PRKG2: variants seen among roughly 807,000 people sequenced by gnomAD.
PRKG2 encodes protein kinase cGMP-dependent 2.
A neutral mutation model predicts 97.2 loss-of-function variants in PRKG2; 33 were observed. The ratio of observed to expected loss-of-function variants is 0.34; its 90% CI spans 0.26 to 0.45. The LOEUF is 0.45. PRKG2 is among the 20% of genes least tolerant of loss of function. PRKG2 has a pLI of 1.00. For synonymous variants in PRKG2, 330 were observed against 321.8 expected, an observed-to-expected ratio of 1.03 and a Z score of -0.27; for missense variants, 638 against 900.0, an observed-to-expected ratio of 0.71 and a Z score of 3.73.
chr4:81,105,776 T>C, intron 16 of PRKG2, 37 bp downstream of exon 16: 1 of 1,606,682 alleles, frequency 6.2e-7, no homozygotes, highest in Non-Finnish European at 8.5e-7. Flanking sequence ...CCTTTAGACT[T>C]TCTTCAAGAC....
At position 81,187,623 on chromosome 4, in the gene PRKG2, G is replaced by T. The variant is rs182271361; in HGVS notation, c.462-12664C>A. Among the ~76,000 whole-genome samples the T allele has an allele frequency of 9.5e-4, 144 of 152,036 alleles. 3 individuals are homozygous for T. The East Asian group carries it at 0.017, about 18-fold the overall frequency. On this transcript the variant is annotated intron_variant, in intron 2 of 18. Coordinates refer to ENST00000264399, the MANE Select transcript of PRKG2 (RefSeq NM_006259.3). Reference sequence around the variant, plus strand: ...TTGGAAGTTCTGGCCAGGGCAATCAGGCAAGAGAAAAAAAATAAAGGGTAT... The same window carrying T: ...TTGGAAGTTCTGGCCAGGGCAATCATGCAAGAGAAAAAAAATAAAGGGTAT...
At chr4:81,119,464 T>C (rs1744864413) in intron 14 of PRKG2, among the ~76,000 whole-genome samples, 1 of 152,204 alleles carries the variant, frequency 6.6e-6, no homozygotes, top group South Asian at 2.1e-4. Flanking sequence ...GTTCCATTGA[T>C]CTATTTGTCT....
At chr4:81,117,484 G>A (rs932774746) in intron 14 of PRKG2, among the ~76,000 whole-genome samples, 14 of 152,174 alleles carry the variant, frequency 9.2e-5, no homozygotes, top group Admixed American at 8.5e-4. Flanking sequence ...TATGTACAGT[G>A]TTTGCCCTAA....
At chr4:81,105,235 T>C (rs113903512) in intron 16 of PRKG2, among the ~76,000 whole-genome samples, 112 of 152,272 alleles carry the variant, frequency 7.4e-4, no homozygotes, top group African/African-American at 2.3e-3. Context: ...TCTTTGAACA[T>C]TGAATTTATT....
chr4:81,144,924 A>G (rs1747710113), intron 9 of PRKG2, among the ~76,000 whole-genome samples: 2 of 151,922 alleles, frequency 1.3e-5, no homozygotes. Context: ...ATGTCCCTAC[A>G]AAGGACATGA....
Position 81,137,483 on chromosome 4 carries a change from CTG to C in PRKG2, c.1545-3_1545-2del. 6.2e-7 allele frequency: 1 copy of C among 1,601,438 alleles called. No individual in the cohort carries two copies. Among genetic ancestry groups the C allele is most frequent in the Non-Finnish European group, 8.5e-7 (1 of 1,170,568 alleles). ...ATTGTCCTTGAAAGTACGATATAAT[CTG>C]TGAAGACAGATAAAAACATGGTTAT... is the stretch of plus-strand genomic sequence containing the variant. On this transcript the variant is annotated splice_acceptor_variant and splice_polypyrimidine_tract_variant and intron_variant, in intron 12 of 18. Coordinates refer to ENST00000264399, the MANE Select transcript of PRKG2 (RefSeq NM_006259.3). LOFTEE classifies it high-confidence loss of function.
At chr4:81,167,737 T>C (rs984045697) in intron 5 of PRKG2, among the ~76,000 whole-genome samples, 1 of 152,028 alleles carries the variant, frequency 6.6e-6, no homozygotes, top group Non-Finnish European at 1.5e-5. Flanking sequence ...TACTGTCTTT[T>C]AAAATTAATG....
chr4:81,212,338 C>G (rs1018105803), intron 1 of PRKG2, among the ~76,000 whole-genome samples: 2 of 134,602 alleles, frequency 1.5e-5, no homozygotes, highest in African/African-American at 5.4e-5. Flanking sequence ...ATGCCACTAT[C>G]CTATATTTGA....
chr4:81,118,598 G>A (rs1744779913), intron 14 of PRKG2, among the ~76,000 whole-genome samples: 1 of 152,048 alleles, frequency 6.6e-6, no homozygotes. Flanking sequence ...TATCTTCTGT[G>A]GTGAGGTGTC....
chr4:81,099,810 A>C (rs1044212974), intron 17 of PRKG2, among the ~76,000 whole-genome samples: 1 of 152,194 alleles, frequency 6.6e-6, no homozygotes, highest in African/African-American at 2.4e-5. Flanking sequence ...GTATCTAGGA[A>C]ACCCCACTGT....
rs1289403812 is a variant in PRKG2 at position 81,141,393 on chromosome 4, T to C, written c.1408-724A>G. Among the ~76,000 whole-genome samples, 5 of 152,266 alleles carry C rather than the reference T, an allele frequency of 3.3e-5. No individual in the cohort carries two copies. The East Asian group carries it at 9.7e-4, about 29-fold the overall frequency. On this transcript the variant is annotated intron_variant, in intron 11 of 18. Coordinates refer to ENST00000264399, the MANE Select transcript of PRKG2 (RefSeq NM_006259.3). ...AATTTAAATTAAATAAAATTAAAAATTCAGTTCCTGAGTTATACTAGCCAC... is the reference window on the plus strand; with the variant it reads ...AATTTAAATTAAATAAAATTAAAAACTCAGTTCCTGAGTTATACTAGCCAC...
intron 14 of PRKG2, among the ~76,000 whole-genome samples, chr4:81,132,299 C>A (rs1279840428): frequency 2.0e-5 from 3 of 152,052 alleles, no homozygotes; most frequent in African/African-American, 7.2e-5. Flanking sequence ...TTGGTAGAGT[C>A]TTCAGACTTT....
chr4:81,094,134 G>T (rs1741880937), intron 17 of PRKG2, among the ~76,000 whole-genome samples: 1 of 152,154 alleles, frequency 6.6e-6, no homozygotes, highest in South Asian at 2.1e-4. Flanking sequence ...TCCTCTTCCT[G>T]TCAGGAAAGA....
At chr4:81,196,707 T>G (rs1295734164) in intron 2 of PRKG2, among the ~76,000 whole-genome samples, 1 of 151,526 alleles carries the variant, frequency 6.6e-6, no homozygotes, top group Non-Finnish European at 1.5e-5. Flanking sequence ...CATTTTATTA[T>G]AAAATATATA....
At chr4:81,177,706 A>G (rs1751057635) in intron 2 of PRKG2, among the ~76,000 whole-genome samples, 1 of 152,160 alleles carries the variant, frequency 6.6e-6, no homozygotes, top group African/African-American at 2.4e-5. Flanking sequence ...TCTCAAAAAA[A>G]AGAATATAAA....
chr4:81,089,858 TCA>T (rs1741376445), intron 18 of PRKG2, 55 bp from the exon 19 acceptor site: 170 of 1,373,684 alleles, frequency 1.2e-4, no homozygotes, highest in Non-Finnish European at 1.6e-4. Context: ...AAGCATGCTA[TCA>T]CATATGGGTA....
intron 3 of PRKG2, chr4:81,173,952 T>C (rs1417668529): frequency 6.6e-6 from 1 of 152,036 alleles, no homozygotes; most frequent in African/African-American, 2.4e-5. Flanking sequence ...TTAACTTTTT[T>C]CCCTAAAACT....
At chr4:81,116,823 G>A (rs1445060436) in intron 14 of PRKG2, among the ~76,000 whole-genome samples, 1 of 151,072 alleles carries the variant, frequency 6.6e-6, no homozygotes, top group Non-Finnish European at 1.5e-5. Flanking sequence ...TCTTCTTTGA[G>A]ACGTGTCTGT....
At chr4:81,144,148 C>G in intron 10 of PRKG2, 84 bp downstream of exon 10, 1 of 1,277,118 alleles carries the variant, frequency 7.8e-7, no homozygotes, top group Non-Finnish European at 1.1e-6. Context: ...AGTTACCACA[C>G]AGCAAGTCAC....
Sources: allele counts gnomAD v4.1 joint callset (sites outside exome capture counted in the v4.1 genomes callset), GRCh38; gene constraint gnomAD v4.1.1; transcripts MANE v1.5; gene names NCBI Gene and HGNC (gene_info 2026-07-23, HGNC 2026-07-21).